TBX18: variants seen among roughly 807,000 people sequenced by gnomAD.
The protein encoded by TBX18 is T-box transcription factor TBX18.
TBX18 carries 21 observed loss-of-function variants against 55.0 expected under a neutral mutation model. The observed-to-expected ratio is 0.38, with a 90% CI of 0.27 to 0.55. TBX18 has a LOEUF of 0.55. Among genes scored for constraint, TBX18 ranks in the 20% least tolerant of loss-of-function variants. The pLI is 0.73. For missense variants in TBX18, 840 were observed against 799.6 expected, an observed-to-expected ratio of 1.05 and a Z score of -0.61; for synonymous variants, 342 against 326.1, an observed-to-expected ratio of 1.05 and a Z score of -0.53.
intron 4 of TBX18, among the ~76,000 whole-genome samples, chr6:84,750,555 C>T (rs2127876925): frequency 6.6e-6 from 1 of 152,142 alleles, no homozygotes; most frequent in African/African-American, 2.4e-5. Flanking sequence ...GACATTAATA[C>T]TCCAATTTAT....
At position 84,733,232 on chromosome 6, in the gene TBX18, A is replaced by C. The variant is rs1395959025; in HGVS notation, c.*3453T>G. On this transcript the variant is annotated 3_prime_UTR_variant, in exon 8 of 8. Transcript: ENST00000369663. ...CGATTTCTAGCACTGATAATTTTTA[A>C]GGTTTGAACTCTTAGAATGCTGTAA... is the stretch of plus-strand genomic sequence containing the variant. 1 of 152,184 alleles carries C rather than the reference A, an allele frequency of 6.6e-6. No individual in the cohort carries two copies. The highest frequency in any genetic ancestry group is 2.4e-5 in the African/African-American group (1 of 41,456). The allele number at this position is 152,184 out of a possible 1,614,324, so 9.4% of individuals were successfully genotyped here.
Position 84,762,659 on chromosome 6 carries a change from G to C in TBX18, c.382C>G (p.Arg128Gly). 6.2e-7 allele frequency: 1 copy of C among 1,610,504 alleles called. No individual in the cohort carries two copies. The highest frequency in any genetic ancestry group is 1.1e-5 in the South Asian group (1 of 90,756). ...GGCGAGGGCAGAGGGGTCCCGGGCC[G>C]GGCCAGGGAGCGCGCCGGAGACCCC... is the stretch of plus-strand genomic sequence containing the variant. ...PKGSPARSLARPGTPLPSPQA... is the reference protein window; with the variant it reads ...PKGSPARSLAGPGTPLPSPQA... Residue 128 changes from arginine (R) to glycine (G), a missense_variant, in exon 2 of 8, where the codon CGG (arginine) becomes GGG (glycine). Arg to Gly is a moderately radical substitution (Grantham distance 125, BLOSUM62 -2). Transcript: ENST00000369663.
At chr6:84,749,112 G>A (rs1183761923) in intron 4 of TBX18, among the ~76,000 whole-genome samples, 1 of 152,138 alleles carries the variant, frequency 6.6e-6, no homozygotes, top group Non-Finnish European at 1.5e-5. Context: ...TTCTTTGTAT[G>A]TTCTATGCTT....
intron 6 of TBX18, among the ~76,000 whole-genome samples, chr6:84,743,082 T>C (rs750977948): frequency 1.3e-5 from 2 of 152,172 alleles, no homozygotes; most frequent in East Asian, 1.9e-4. Flanking sequence ...ACAACTTTCA[T>C]GTGTTAGGAA....
chr6:84,759,270 C>G (rs755013493), intron 3 of TBX18, among the ~76,000 whole-genome samples: 8 of 151,202 alleles, frequency 5.3e-5, no homozygotes, highest in Non-Finnish European at 8.8e-5. Flanking sequence ...CATGTACTAA[C>G]TAAAATCTGT....
chr6:84,762,658 C>T lies in TBX18; in HGVS notation c.383G>A (p.Arg128Gln), dbSNP rs748986682. The change falls in exon 2 of 8, where the codon CGG becomes CAG. Residue 128 changes from arginine to glutamine, a missense_variant. Physicochemically the swap from Arg to Gln is conservative, Grantham distance 43 (BLOSUM62 1). Coordinates refer to ENST00000369663, the MANE Select transcript of TBX18 (RefSeq NM_001080508.3). ...CGGCGAGGGCAGAGGGGTCCCGGGC[C>T]GGGCCAGGGAGCGCGCCGGAGACCC... ...PKGSPARSLA[R>Q]PGTPLPSPQA... 3.1e-6 allele frequency: 5 copies of T among 1,610,406 alleles called. No homozygotes were observed. Among genetic ancestry groups the T allele is most frequent in the Admixed American group, 3.4e-5 (2 of 59,682 alleles).
intron 2 of TBX18, among the ~76,000 whole-genome samples, chr6:84,762,208 CTAAA>C (rs1000490931): frequency 2.6e-5 from 4 of 152,066 alleles, no homozygotes; most frequent in Admixed American, 2.0e-4. Context: ...CAACTAGAGC[CTAAA>C]TAAATACCTG....
Position 84,744,310 on chromosome 6 carries a change from T to C in TBX18, c.955A>G (p.Ile319Val). 6.2e-7 allele frequency: 1 copy of C among 1,613,066 alleles called. No individual in the cohort carries two copies. Among genetic ancestry groups the C allele is most frequent in the Admixed American group, 1.7e-5 (1 of 59,960 alleles). Reference protein sequence around the residue: ...YQNQQITRLKIDRNPFAKGFR... With the variant: ...YQNQQITRLKVDRNPFAKGFR... ...CCTTTAGCAAATGGATTCCTATCTA[T>C]CTTCAGGCGAGTAATCTGCAGAGTA... Residue 319 changes from isoleucine to valine, a missense_variant, in exon 6 of 8, where the codon ATA becomes GTA. Coordinates refer to ENST00000369663, the MANE Select transcript of TBX18 (RefSeq NM_001080508.3).
intron 4 of TBX18, among the ~76,000 whole-genome samples, chr6:84,749,487 CTTT>C (rs5877913): frequency 4.8e-5 from 7 of 145,190 alleles, no homozygotes; most frequent in Non-Finnish European, 4.5e-5. Flanking sequence ...TTTTTTTTTT[CTTT>C]TTTTTTTTTT....
chr6:84,760,501 A>C (rs748156285), intron 2 of TBX18, 145 bp from the exon 3 acceptor site: 5 of 544,156 alleles, frequency 9.2e-6, no homozygotes, highest in African/African-American at 1.9e-5. Context: ...TAATTCAAGG[A>C]GTCAGGACAT....
rs1767687484 is a variant in TBX18, at chr6:84,762,702, T to A, written c.339A>T (p.Ser113=). 1 of 1,610,452 alleles carries A rather than the reference T, an allele frequency of 6.2e-7. No homozygotes were observed. The highest frequency in any genetic ancestry group is 8.5e-7 in the Non-Finnish European group (1 of 1,179,146). ...GAGACCCCTTGGGGGAGCCTCCCGGTGACGCCAGAGGGGAAGCTCCCTGCT... is the reference window on the plus strand; with the variant it reads ...GAGACCCCTTGGGGGAGCCTCCCGGAGACGCCAGAGGGGAAGCTCCCTGCT... ...GFQQGASPLA[S]PGGSPKGSPA... The change falls in exon 2 of 8, where the codon TCA becomes TCT. Residue 113 remains serine, a synonymous_variant. Transcript: ENST00000369663.
chr6:84,763,391 C>T (rs1425620283), intron 1 of TBX18: 1 of 457,888 alleles, frequency 2.2e-6, no homozygotes, highest in East Asian at 6.9e-5. Flanking sequence ...GCAGAGAAAT[C>T]AAGAGGAGAA....
intron 2 of TBX18, among the ~76,000 whole-genome samples, chr6:84,762,038 G>C (rs1181288775): frequency 1.3e-5 from 2 of 152,144 alleles, no homozygotes; most frequent in Non-Finnish European, 2.9e-5. Flanking sequence ...TAGCAGGACA[G>C]ATCATCTTAT....
chr6:84,735,101 G>A lies in TBX18; in HGVS notation c.*1584C>T, dbSNP rs1286201756. The A allele has an allele frequency of 6.6e-6, 1 of 152,156 alleles. No individual in the cohort carries two copies. Among genetic ancestry groups the A allele is most frequent in the Non-Finnish European group, 1.5e-5 (1 of 68,032 alleles). The allele number at this position is 152,156 out of a possible 1,614,324, so 9.4% of individuals were successfully genotyped here. ...TTGTACCCTTTCCCCACCAAATCCA[G>A]GGATGAGTTAAAGCAACTCTTTTTA... On this transcript the variant is annotated 3_prime_UTR_variant, in exon 8 of 8. Transcript: ENST00000369663.
At position 84,760,370 on chromosome 6, in the gene TBX18, C is replaced by G; in HGVS notation, c.498-14G>C. On this transcript the variant is annotated splice_polypyrimidine_tract_variant and intron_variant, in intron 2 of 7. Coordinates refer to ENST00000369663, the MANE Select transcript of TBX18 (RefSeq NM_001080508.3). ...GGAAACATGCGCCTATTTAAAAAGGCGAAGAGAAAGAGGGTTTGGGGTTTT... is the reference window on the plus strand; with the variant it reads ...GGAAACATGCGCCTATTTAAAAAGGGGAAGAGAAAGAGGGTTTGGGGTTTT... 3 of 1,587,214 alleles carry G rather than the reference C, an allele frequency of 1.9e-6. No individual in the cohort carries two copies. The highest frequency in any genetic ancestry group is 2.6e-6 in the Non-Finnish European group (3 of 1,163,782).
At chr6:84,758,944 A>G (rs1256028756) in intron 3 of TBX18, among the ~76,000 whole-genome samples, 5 of 152,176 alleles carry the variant, frequency 3.3e-5, no homozygotes, top group African/African-American at 1.2e-4. Context: ...ATTTGAATCA[A>G]TTAAGTAAAA....
rs1164263933 is a variant in TBX18 at position 84,757,228 on chromosome 6, G to A, written c.600-359C>T. Among the ~76,000 whole-genome samples the A allele has an allele frequency of 2.6e-5, 4 of 152,092 alleles. No individual in the cohort carries two copies. The East Asian group carries it at 7.7e-4, about 29-fold the overall frequency. ...ATCGACACGAAAAAACAAATAGCTT[G>A]TCAAGTTCACCTTTAAGTAAATCTC... On this transcript the variant is annotated intron_variant, in intron 3 of 7. Coordinates refer to ENST00000369663, the MANE Select transcript of TBX18 (RefSeq NM_001080508.3).
At chr6:84,750,369 G>A (rs917620951) in intron 4 of TBX18, among the ~76,000 whole-genome samples, 2 of 151,358 alleles carry the variant, frequency 1.3e-5, no homozygotes, top group Admixed American at 6.6e-5. Context: ...AAGATATCTT[G>A]CAGACATGTG....
chr6:84,763,543 G>A, intron 1 of TBX18: 1 of 536,408 alleles, frequency 1.9e-6, no homozygotes, highest in Non-Finnish European at 3.5e-6. Flanking sequence ...CCCGCCCTGT[G>A]CTTTTAAAAG....
Sources: gnomAD v4.1 joint callset for allele counts (sites outside exome capture counted in the v4.1 genomes callset) on GRCh38, gnomAD v4.1.1 for gene constraint, MANE v1.5 for transcripts, NCBI Gene and HGNC (gene_info 2026-07-23, HGNC 2026-07-21) for gene names.